HERC6: variants seen among roughly 807,000 people sequenced by gnomAD.
HERC6 encodes probable E3 ubiquitin-protein ligase HERC6.
A neutral mutation model predicts 114.5 loss-of-function variants in HERC6; 101 were observed. The observed-to-expected ratio is 0.88, with a 90% CI of 0.75 to 1.04. HERC6 has a LOEUF of 1.04. Ranked by LOEUF, HERC6 falls within the 50% of genes least tolerant of loss-of-function variation. The pLI, the probability that HERC6 is intolerant of heterozygous loss-of-function variation, is 0.00. For synonymous variants in HERC6, 408 were observed against 436.2 expected (o/e 0.94, Z 0.81); for missense variants, 1,133 against 1,230.9 (o/e 0.92, Z 1.19).
intron 1 of HERC6, among the ~76,000 whole-genome samples, chr4:88,379,764 AT>A (rs1734087656): frequency 9.9e-6 from 1 of 100,622 alleles, no homozygotes; most frequent in East Asian, 2.6e-4. Context: ...ATAAATATAT[AT>A]AATATATAAA....
chr4:88,408,493 A>T, intron 10 of HERC6, 31 bp from the exon 11 acceptor site: 4 of 1,314,006 alleles, frequency 3.0e-6, no homozygotes, highest in African/African-American at 1.4e-5. Context: ...CCTTATGTTT[A>T]TGTGGTTTCT....
Position 88,440,256 on chromosome 4 carries a change from T to TAA in HERC6, c.2842+7_2842+8insAA, listed in dbSNP as rs1739214824. ...TGAAAAGAAAAAATTCCTCTGTAAG[T>TAA]ACTGTGGTACTAGATGGACACATAA... On this transcript the variant is annotated splice_region_variant and intron_variant, in intron 22 of 22. Transcript: ENST00000264346. 6 of 1,407,062 alleles carry TAA rather than the reference T, an allele frequency of 4.3e-6. No individual in the cohort carries two copies. The South Asian group carries it at 7.3e-5, about 17-fold the overall frequency. 87.2% of individuals were successfully genotyped at this position (1,407,062 alleles called of 1,614,324 possible). A position where few individuals can be genotyped will look rare whatever the true frequency, so the allele number is the denominator to read the frequency against.
intron 8 of HERC6, among the ~76,000 whole-genome samples, chr4:88,401,489 T>TAA (rs1560542719): frequency 4.4e-5 from 5 of 114,850 alleles, no homozygotes; most frequent in African/African-American, 1.7e-4. Context: ...AGACTCCATC[T>TAA]CAAAAAAAAA....
rs926226738 is a variant in HERC6, at chr4:88,387,129, G to T, written c.436+1554G>T. Among the ~76,000 whole-genome samples, 5 of 152,182 alleles carry T rather than the reference G, an allele frequency of 3.3e-5. No individual in the cohort carries two copies. The East Asian group carries it at 9.6e-4, about 29-fold the overall frequency. On this transcript the variant is annotated intron_variant, in intron 3 of 22. Transcript: ENST00000264346. ...CACATGAACTGGGCTGGGCATAGTG[G>T]CTCACACCTGTATTTCCAGCACTTA...
intron 1 of HERC6, among the ~76,000 whole-genome samples, chr4:88,379,867 TATATATA>T (rs1270028394): frequency 8.3e-5 from 5 of 60,108 alleles, no homozygotes; most frequent in African/African-American, 3.7e-4. Flanking sequence ...AGCATATAAA[TATATATA>T]ATATATAAAT....
chr4:88,402,233 T>G (rs1406412765), intron 8 of HERC6, among the ~76,000 whole-genome samples: 1 of 152,156 alleles, frequency 6.6e-6, no homozygotes, highest in African/African-American at 2.4e-5. Context: ...GATGGAACAA[T>G]TGATAATTAT....
chr4:88,389,805 A>G (rs1734796613), intron 3 of HERC6, among the ~76,000 whole-genome samples: 1 of 152,174 alleles, frequency 6.6e-6, no homozygotes, highest in East Asian at 1.9e-4. Flanking sequence ...TGCAACTTGG[A>G]AGACATCATG....
intron 17 of HERC6, 54 bp downstream of exon 17, chr4:88,431,359 C>G: frequency 6.5e-7 from 1 of 1,540,450 alleles, no homozygotes; most frequent in Non-Finnish European, 8.7e-7. Flanking sequence ...ACCCCATATA[C>G]TGCAACATTA....
At position 88,425,431 on chromosome 4, in the gene HERC6, C is replaced by G. The variant is rs547472279; in HGVS notation, c.1935+729C>G. ...GTATCTATTGTTTTCCTGCCATGAACAACACTGACGCTATCCAGTAATCTG... is the reference window on the plus strand; with the variant it reads ...GTATCTATTGTTTTCCTGCCATGAAGAACACTGACGCTATCCAGTAATCTG... On this transcript the variant is annotated intron_variant, in intron 15 of 22. Coordinates refer to ENST00000264346, the MANE Select transcript of HERC6 (RefSeq NM_017912.4). Among the ~76,000 whole-genome samples, 140 of 152,272 alleles carry G rather than the reference C, an allele frequency of 9.2e-4. 1 individual carries two copies. Among genetic ancestry groups the G allele is most frequent in the Non-Finnish European group, 1.8e-3 (120 of 68,014 alleles).
In HERC6 at chr4:88,440,258, CTGTG is replaced by C; in HGVS notation, c.2842+9_2842+12del. ...AAAAGAAAAAATTCCTCTGTAAGTACTGTGGTACTAGATGGACACATAATTATGT... is the reference window on the plus strand; with the variant it reads ...AAAAGAAAAAATTCCTCTGTAAGTACGTACTAGATGGACACATAATTATGT... On this transcript the variant is annotated intron_variant, in intron 22 of 22. Transcript: ENST00000264346. The C allele has an allele frequency of 1.4e-6, 2 of 1,426,378 alleles. No individual in the cohort carries two copies. The highest frequency in any genetic ancestry group is 2.0e-6 in the Non-Finnish European group (2 of 1,021,644). The allele number at this position is 1,426,378 out of a possible 1,614,324, so 88.4% of individuals were successfully genotyped here.
At chr4:88,404,775 G>C in intron 8 of HERC6, 101 bp from the exon 9 acceptor site, 1 of 1,425,366 alleles carries the variant, frequency 7.0e-7, no homozygotes, top group Non-Finnish European at 9.5e-7. Flanking sequence ...CCACCCAAGA[G>C]GGCAGGGCCT....
At chr4:88,410,252 C>G (rs1736018862) in intron 11 of HERC6, among the ~76,000 whole-genome samples, 2 of 152,134 alleles carry the variant, frequency 1.3e-5, no homozygotes, top group Admixed American at 6.6e-5. Flanking sequence ...CTGGTTTGGT[C>G]TGGAAAGGCG....
intron 17 of HERC6, among the ~76,000 whole-genome samples, chr4:88,433,124 C>T (rs1466584786): frequency 6.6e-6 from 1 of 152,076 alleles, no homozygotes; most frequent in Non-Finnish European, 1.5e-5. Flanking sequence ...GTCTTCATTT[C>T]TGTATTAGTA....
chr4:88,438,168 G>A (rs1475631884), intron 20 of HERC6, among the ~76,000 whole-genome samples: 1 of 150,152 alleles, frequency 6.7e-6, no homozygotes, highest in Non-Finnish European at 1.5e-5. Flanking sequence ...CTTCTCAGGT[G>A]ATTGTTTTAG....
chr4:88,410,622 T>A (rs927754555), intron 11 of HERC6, among the ~76,000 whole-genome samples: 2 of 152,104 alleles, frequency 1.3e-5, no homozygotes, highest in Non-Finnish European at 2.9e-5. Flanking sequence ...ACTATCATAT[T>A]GGGGGTTAGG....
chr4:88,389,713 T>A (rs1734790939), intron 3 of HERC6, among the ~76,000 whole-genome samples: 1 of 152,172 alleles, frequency 6.6e-6, no homozygotes, highest in African/African-American at 2.4e-5. Flanking sequence ...AATCTCATTT[T>A]TTTCTTCATC....
intron 3 of HERC6, 56 bp from the exon 4 acceptor site, chr4:88,390,596 T>G: frequency 1.4e-6 from 2 of 1,417,794 alleles, no homozygotes; most frequent in South Asian, 1.4e-5. Flanking sequence ...GTAGTTTCTA[T>G]TTGAATTTGG....
At chr4:88,437,616 CAT>C (rs1738892404) in intron 19 of HERC6, 93 bp from the exon 20 acceptor site, 5 of 775,378 alleles carry the variant, frequency 6.4e-6, no homozygotes, top group Non-Finnish European at 1.1e-5. Context: ...TTTTCAGTTA[CAT>C]AGGGGAAAAT....
In HERC6 at chr4:88,408,581, C is replaced by G. The variant is rs767649030; in HGVS notation, c.1332C>G (p.Phe444Leu). ...DVDLEMARDT[F>L]KKLTKKEWIS... ...ACTTAGAAATGGCAAGAGATACCTT[C>G]AAGAAGTTAACAAAAAAGGAATGGA... Residue 444 changes from phenylalanine to leucine, a missense_variant, in exon 11 of 23, where the codon TTC (phenylalanine) becomes TTG (leucine). Phe to Leu is a conservative substitution (Grantham distance 22). This residue lies in a region of HERC6 where 735 missense variants were observed against 754.0 expected (regional missense o/e 0.97). Transcript: ENST00000264346. 6.3e-7 allele frequency: 1 copy of G among 1,595,290 alleles called. No individual in the cohort carries two copies. The highest frequency in any genetic ancestry group is 1.1e-5 in the South Asian group (1 of 87,492).
Sources: allele counts gnomAD v4.1 joint callset (sites outside exome capture counted in the v4.1 genomes callset), GRCh38; gene constraint gnomAD v4.1.1; regional missense constraint gnomAD v4.1.1; transcripts MANE v1.5; gene names NCBI Gene and HGNC (gene_info 2026-07-23, HGNC 2026-07-21).